Variants in SIK3 observed in about 807,000 individuals in gnomAD.
The protein encoded by SIK3 is serine/threonine-protein kinase SIK3.
A neutral mutation model predicts 144.2 loss-of-function variants in SIK3; 28 were observed. The observed-to-expected ratio is 0.19, with a 90% CI of 0.14 to 0.27. SIK3 has a LOEUF of 0.27. SIK3 is among the 10% of genes least tolerant of loss of function. SIK3 has a pLI of 1.00. For missense variants in SIK3, 1,319 were observed against 1,776.0 expected, an observed-to-expected ratio of 0.74 and a Z score of 4.62; for synonymous variants, 686 against 676.3, an observed-to-expected ratio of 1.01 and a Z score of -0.22.
chr11:116,920,545 A>G (rs1565453401), intron 4 of SIK3, among the ~76,000 whole-genome samples: 2 of 152,290 alleles, frequency 1.3e-5, no homozygotes, highest in African/African-American at 2.4e-5. Flanking sequence ...CCATTAGAAT[A>G]TAAGTTCCAA....
intron 4 of SIK3, among the ~76,000 whole-genome samples, chr11:116,907,351 G>T (rs1430097394): frequency 6.6e-6 from 1 of 152,108 alleles, no homozygotes; most frequent in Admixed American, 6.6e-5. Context: ...TATTTTTATT[G>T]AAATTTAAAA....
rs183641137 is a variant in SIK3 at position 116,871,058 on chromosome 11, A to G, written c.1738-657T>C. On this transcript the variant is annotated intron_variant, in intron 13 of 24. Coordinates refer to ENST00000445177, the MANE Select transcript of SIK3 (RefSeq NM_001366686.3). The stretch of plus-strand genomic sequence containing the variant: ...AATTACTGAAATTACATTTTGGTAC[A>G]TAAGATACAATTGTGTAGTATCAAT... 8.5e-5 allele frequency among the ~76,000 whole-genome samples: 13 copies of G among 152,374 alleles called. No individual in the cohort carries two copies. In the East Asian group the frequency reaches 9.6e-4, roughly 11 times the overall value.
intron 1 of SIK3, among the ~76,000 whole-genome samples, chr11:117,008,075 CAAAAAAAAAAAAAAA>C (rs59486431): frequency 1.1e-4 from 6 of 54,666 alleles, no homozygotes; most frequent in Admixed American, 3.0e-4. Context: ...GACTCCATCT[CAAAAAAAAAAAAAAA>C]AAAAAAAAAA....
intron 3 of SIK3, among the ~76,000 whole-genome samples, chr11:116,951,212 G>T (rs1439179879): frequency 6.6e-6 from 1 of 152,054 alleles, no homozygotes; most frequent in Non-Finnish European, 1.5e-5. Context: ...TTCAAACCTA[G>T]GTCTAAATAC....
At chr11:116,851,891 G>A (rs567749718) in intron 21 of SIK3, among the ~76,000 whole-genome samples, 2 of 152,366 alleles carry the variant, frequency 1.3e-5, no homozygotes, top group Non-Finnish European at 2.9e-5. Context: ...TTGCCAAGAA[G>A]CAATGCGAGC....
At chr11:116,997,546 T>C (rs1950711980) in intron 1 of SIK3, among the ~76,000 whole-genome samples, 1 of 152,238 alleles carries the variant, frequency 6.6e-6, no homozygotes, top group Non-Finnish European at 1.5e-5. Context: ...TATACACTAT[T>C]AAAGAAGCAA....
At chr11:117,016,275 G>A (rs777489654) in intron 1 of SIK3, among the ~76,000 whole-genome samples, 1 of 148,208 alleles carries the variant, frequency 6.7e-6, no homozygotes, top group Non-Finnish European at 1.5e-5. Flanking sequence ...GCAGTGAGCC[G>A]CGATCACGCC....
intron 1 of SIK3, among the ~76,000 whole-genome samples, chr11:116,995,389 G>A (rs770221501): frequency 1.1e-3 from 162 of 151,560 alleles, no homozygotes; most frequent in Non-Finnish European, 8.8e-4. Context: ...TCAGCCTCCC[G>A]AGTAGCTAGG....
rs1944291756 is a variant in SIK3 at position 116,876,992 on chromosome 11, G to T, written c.916C>A (p.Leu306Ile). The change falls in exon 7 of 25, where the codon CTC (leucine) becomes ATC (isoleucine). Residue 306 changes from leucine to isoleucine, a missense_variant. By Grantham distance (5) the Leu-to-Ile change is conservative. This residue lies in a region of SIK3 where 34 missense variants were observed against 56.1 expected (regional missense o/e 0.61). Transcript: ENST00000445177. The stretch of plus-strand genomic sequence containing the variant: ...TGCTTGCAGATCTGCTCCATGGAGA[G>T]GCGCTTATTGGGATCTAACACCAAC... The part of the protein sequence containing the change: ...HMLVLDPNKR[L>I]SMEQICKHKW... 6.2e-7 allele frequency: 1 copy of T among 1,614,036 alleles called. No individual in the cohort carries two copies. Among genetic ancestry groups the T allele is most frequent in the Non-Finnish European group, 8.5e-7 (1 of 1,180,038 alleles).
chr11:116,949,573 C>G (rs1948838177), intron 3 of SIK3, among the ~76,000 whole-genome samples: 1 of 152,194 alleles, frequency 6.6e-6, no homozygotes, highest in South Asian at 2.1e-4. Flanking sequence ...ACCTCCAACT[C>G]CTAGGCTCGA....
Position 116,991,323 on chromosome 11 carries a change from C to T in SIK3, c.274-34259G>A, listed in dbSNP as rs533935577. Among the ~76,000 whole-genome samples the T allele has an allele frequency of 4.6e-5, 7 of 152,106 alleles. No homozygotes were observed. In the South Asian group the frequency reaches 8.3e-4, roughly 18 times the overall value. On this transcript the variant is annotated intron_variant, in intron 1 of 24. Transcript: ENST00000445177. ...TTAACCAGGCATGGTGGCACACGCCCGTAATCTCACCTACAAGGGAGGCTG... is the reference window on the plus strand; with the variant it reads ...TTAACCAGGCATGGTGGCACACGCCTGTAATCTCACCTACAAGGGAGGCTG...
chr11:116,876,977 T>C lies in SIK3; in HGVS notation c.931A>G (p.Ile311Val). ...DPNKRLSMEQ[I>V]CKHKWMKLGD... ...AGCTTCATCCACTTGTGCTTGCAGA[T>C]CTGCTCCATGGAGAGGCGCTTATTG... Residue 311 changes from isoleucine (I) to valine (V), a missense_variant, in exon 7 of 25, where the codon ATC (isoleucine) becomes GTC (valine). Ile to Val is a conservative substitution (Grantham distance 29). Around this residue, in one of 8 missense-constraint regions of SIK3, gnomAD observed 34 missense variants for 56.1 expected, o/e 0.61. Transcript: ENST00000445177. 3 of 1,614,182 alleles carry C rather than the reference T, an allele frequency of 1.9e-6. No homozygotes were observed. The highest frequency in any genetic ancestry group is 2.5e-6 in the Non-Finnish European group (3 of 1,180,018).
At chr11:116,964,040 G>C (rs1949437274) in intron 1 of SIK3, among the ~76,000 whole-genome samples, 1 of 152,112 alleles carries the variant, frequency 6.6e-6, no homozygotes, top group Non-Finnish European at 1.5e-5. Context: ...CCTAACGTCT[G>C]CACTGTTACC....
At chr11:116,933,457 T>C (rs913256891) in intron 3 of SIK3, among the ~76,000 whole-genome samples, 2 of 152,218 alleles carry the variant, frequency 1.3e-5, no homozygotes, top group Non-Finnish European at 2.9e-5. Flanking sequence ...TCCTTTTTAC[T>C]GCTGAGTAGT....
chr11:116,922,872 G>A (rs940921928), intron 4 of SIK3, among the ~76,000 whole-genome samples: 1 of 146,342 alleles, frequency 6.8e-6, no homozygotes, highest in African/African-American at 2.5e-5. Flanking sequence ...TTTTAAAGAT[G>A]AGCTGCTTAC....
At chr11:116,911,497 A>T (rs1946344208) in intron 4 of SIK3, among the ~76,000 whole-genome samples, 1 of 152,116 alleles carries the variant, frequency 6.6e-6, no homozygotes, top group African/African-American at 2.4e-5. Flanking sequence ...AGACAGAGCC[A>T]GACTCTGTCT....
intron 1 of SIK3, among the ~76,000 whole-genome samples, chr11:117,048,877 T>A (rs1191867188): frequency 7.2e-5 from 11 of 151,852 alleles, no homozygotes; most frequent in Non-Finnish European, 1.6e-4. Flanking sequence ...CTGAGGCATG[T>A]GGATCATGAG....
intron 1 of SIK3, among the ~76,000 whole-genome samples, chr11:116,992,324 C>CCCG (rs1555120226): frequency 6.9e-6 from 1 of 145,562 alleles, no homozygotes; most frequent in Non-Finnish European, 1.5e-5. Context: ...GACCCCCCCC[C>CCCG]CCAAAAAAAA....
Position 117,023,609 on chromosome 11 carries a change from C to CAAAAAA in SIK3, c.274-66551_274-66546dup, listed in dbSNP as rs71469123. Among the ~76,000 whole-genome samples the CAAAAAA allele has an allele frequency of 2.9e-4, 15 of 51,984 alleles. 1 individual carries two copies. Among genetic ancestry groups the CAAAAAA allele is most frequent in the East Asian group, 2.6e-3 (4 of 1,562 alleles). 34.1% of individuals were successfully genotyped at this position (51,984 alleles called of 152,430 possible). ...ACAAACAAACAAACAAACAAACAAA[C>CAAAAAA]AAAAAAAAAAAAATATATATATATA... On this transcript the variant is annotated intron_variant, in intron 1 of 24. Coordinates refer to ENST00000445177, the MANE Select transcript of SIK3 (RefSeq NM_001366686.3).
Sources: allele counts gnomAD v4.1 joint callset (sites outside exome capture counted in the v4.1 genomes callset), GRCh38; gene constraint gnomAD v4.1.1; regional missense constraint gnomAD v4.1.1; transcripts MANE v1.5; gene names NCBI Gene and HGNC (gene_info 2026-07-23, HGNC 2026-07-21).